The following MAGI3 variants were observed in gnomAD, a reference collection of about 807,000 sequenced individuals.
MAGI3 encodes the protein membrane associated guanylate kinase, WW and PDZ domain containing 3.
In MAGI3, 43 loss-of-function variants were observed where a neutral mutation model predicts 121.8. The ratio of observed to expected loss-of-function variants is 0.35; its 90% CI spans 0.28 to 0.46. The LOEUF (loss-of-function observed/expected upper bound fraction) is 0.46, where lower values mean the gene tolerates loss of function less well. Among genes scored for constraint, MAGI3 ranks in the 20% least tolerant of loss-of-function variants. The pLI, the probability that MAGI3 is intolerant of heterozygous loss-of-function variation, is 1.00. For synonymous variants in MAGI3, 553 were observed against 639.3 expected (o/e 0.86, Z 2.04); for missense variants, 1,547 against 1,797.3 (o/e 0.86, Z 2.52).
At chr1:113,455,917 A>G (rs1261077180) in intron 1 of MAGI3, among the ~76,000 whole-genome samples, 2 of 151,726 alleles carry the variant, frequency 1.3e-5, no homozygotes, top group African/African-American at 2.4e-5. Flanking sequence ...AAGGACTTGC[A>G]TAGTCAAATA....
intron 1 of MAGI3, among the ~76,000 whole-genome samples, chr1:113,477,076 T>C (rs1655864477): frequency 6.6e-6 from 1 of 152,156 alleles, no homozygotes; most frequent in Non-Finnish European, 1.5e-5. Flanking sequence ...TTCCATTTGC[T>C]TGATAGATCT....
chr1:113,594,463 A>T lies in MAGI3; in HGVS notation c.939-18A>T. On this transcript the variant is annotated intron_variant, in intron 5 of 20. Coordinates refer to ENST00000307546, the MANE Select transcript of MAGI3 (RefSeq NM_001142782.2). Reference sequence around the variant, plus strand: ...CTCCTTTATTTTACTGTTTCTAATTAAAATCTTTATTCTACAGCCACAATA... The same window carrying T: ...CTCCTTTATTTTACTGTTTCTAATTTAAATCTTTATTCTACAGCCACAATA... The T allele has an allele frequency of 1.9e-6, 3 of 1,586,642 alleles. No homozygotes were observed. The highest frequency in any genetic ancestry group is 2.6e-6 in the Non-Finnish European group (3 of 1,166,842).
intron 6 of MAGI3, among the ~76,000 whole-genome samples, chr1:113,610,680 C>A (rs913627740): frequency 1.3e-5 from 2 of 152,102 alleles, no homozygotes; most frequent in Non-Finnish European, 2.9e-5. Context: ...CAAGTTCTAT[C>A]AATTCTAACT....
At chr1:113,671,906 C>G (rs758787742) in intron 17 of MAGI3, 70 bp downstream of exon 17, 88 of 1,329,714 alleles carry the variant, frequency 6.6e-5, no homozygotes, top group Non-Finnish European at 9.1e-5. Context: ...CTGTTCATAA[C>G]CCCACTCCCC....
intron 1 of MAGI3, among the ~76,000 whole-genome samples, chr1:113,477,240 T>C (rs1354030788): frequency 3.3e-5 from 5 of 152,190 alleles, no homozygotes; most frequent in African/African-American, 1.2e-4. Flanking sequence ...AAGGTTAATA[T>C]TGTTATGTGT....
In MAGI3 at chr1:113,562,271, C is replaced by T. The variant is rs571351745; in HGVS notation, c.433+12640C>T. Among the ~76,000 whole-genome samples the T allele has an allele frequency of 2.6e-5, 4 of 152,230 alleles. No homozygotes were observed. In the East Asian group the frequency reaches 5.8e-4, roughly 22 times the overall value. ...CAAAAAAATTAGCCAGGCATGGTGG[C>T]GGGCGCCAATAGTCCCAGCTACTGA... On this transcript the variant is annotated intron_variant, in intron 2 of 20. Coordinates refer to ENST00000307546, the MANE Select transcript of MAGI3 (RefSeq NM_001142782.2).
At chr1:113,560,958 A>C (rs941000177) in intron 2 of MAGI3, among the ~76,000 whole-genome samples, 4 of 152,238 alleles carry the variant, frequency 2.6e-5, no homozygotes, top group African/African-American at 9.6e-5. Flanking sequence ...ACAGAAATAC[A>C]AACAACCATC....
intron 1 of MAGI3, among the ~76,000 whole-genome samples, chr1:113,454,080 A>G (rs942152865): frequency 1.3e-5 from 2 of 152,368 alleles, no homozygotes; most frequent in East Asian, 3.9e-4. Context: ...CTGATCTTCT[A>G]TTAGGTTAAC....
intron 15 of MAGI3, among the ~76,000 whole-genome samples, chr1:113,657,231 C>A (rs1322701212): frequency 6.6e-6 from 1 of 152,168 alleles, no homozygotes; most frequent in Non-Finnish European, 1.5e-5. Context: ...GAAGGCTTTT[C>A]CCTAGCTATG....
intron 20 of MAGI3, 59 bp downstream of exon 20, chr1:113,681,395 A>G (rs1487418663): frequency 6.5e-7 from 1 of 1,546,168 alleles, no homozygotes; most frequent in Non-Finnish European, 8.8e-7. Context: ...GGACAGAAGA[A>G]AAAGGAATAT....
At chr1:113,663,235 A>AATATATATATATATATATATAT (rs3081634) in intron 16 of MAGI3, among the ~76,000 whole-genome samples, 2 of 144,036 alleles carry the variant, frequency 1.4e-5, no homozygotes, top group African/African-American at 5.1e-5. Context: ...CAAAAACAGA[A>AATATATATATATATATATATAT]ATATATATAT....
At chr1:113,435,112 C>T (rs115561493) in intron 1 of MAGI3, among the ~76,000 whole-genome samples, 3,548 of 151,902 alleles carry the variant, frequency 0.023, 130 homozygotes, top group African/African-American at 0.081. Context: ...CACTTTTGTC[C>T]CCCGTTAGCA....
Position 113,512,699 on chromosome 1 carries a change from C to G in MAGI3, c.317-36816C>G, listed in dbSNP as rs1028269857. Reference sequence around the variant, plus strand: ...GAATGGGCAAAAACTGGAAGCATTCCCTTTGAAAACTGGCACAAGACAGGG... The same window carrying G: ...GAATGGGCAAAAACTGGAAGCATTCGCTTTGAAAACTGGCACAAGACAGGG... On this transcript the variant is annotated intron_variant, in intron 1 of 20. Transcript: ENST00000307546. Among the ~76,000 whole-genome samples, 2 of 152,094 alleles carry G rather than the reference C, an allele frequency of 1.3e-5. 1 individual carries two copies. Among genetic ancestry groups the G allele is most frequent in the Admixed American group, 1.3e-4 (2 of 15,274 alleles).
chr1:113,544,049 T>TC (rs1659415215), intron 1 of MAGI3, among the ~76,000 whole-genome samples: 1 of 152,234 alleles, frequency 6.6e-6, no homozygotes, highest in African/African-American at 2.4e-5. Flanking sequence ...ATAGAATGAA[T>TC]ATGTTTTACT....
At chr1:113,568,303 T>C (rs1476933974) in intron 2 of MAGI3, among the ~76,000 whole-genome samples, 1 of 152,092 alleles carries the variant, frequency 6.6e-6, no homozygotes, top group Non-Finnish European at 1.5e-5. Context: ...AATTAACCTC[T>C]AATGAAACGT....
In MAGI3 at chr1:113,391,308, G is replaced by A. The variant is rs1193797245; in HGVS notation, c.275G>A (p.Arg92His). 3 of 1,597,008 alleles carry A rather than the reference G, an allele frequency of 1.9e-6. No homozygotes were observed. Among genetic ancestry groups the A allele is most frequent in the Non-Finnish European group, 2.6e-6 (3 of 1,172,820 alleles). ...AACCGGGACACCCTGGCTGTCATCC[G>A]CCACTTCCGCGAGCCCATCCGTCTC... is the stretch of plus-strand genomic sequence containing the variant. Reference protein sequence around the residue: ...LTNRDTLAVIRHFREPIRLKT... With the variant: ...LTNRDTLAVIHHFREPIRLKT... The change falls in exon 1 of 21, where the codon CGC becomes CAC. Residue 92 changes from arginine (R) to histidine (H), a missense_variant. Transcript: ENST00000307546. The surrounding 1 kb of genome is among the most constrained non-coding windows in gnomAD (Gnocchi z 4.4).
chr1:113,483,376 A>G (rs1279179018), intron 1 of MAGI3, among the ~76,000 whole-genome samples: 1 of 152,102 alleles, frequency 6.6e-6, no homozygotes, highest in Non-Finnish European at 1.5e-5. Flanking sequence ...TAATCAGGTA[A>G]TGAGGGTAAA....
At chr1:113,612,231 C>T (rs1417715879) in intron 6 of MAGI3, among the ~76,000 whole-genome samples, 1 of 152,190 alleles carries the variant, frequency 6.6e-6, no homozygotes, top group African/African-American at 2.4e-5. Flanking sequence ...CGTGAGCCAA[C>T]TTATCTTTAA....
At chr1:113,530,323 GAA>G (rs35215967) in intron 1 of MAGI3, among the ~76,000 whole-genome samples, 3 of 132,930 alleles carry the variant, frequency 2.3e-5, no homozygotes, top group Non-Finnish European at 1.6e-5. Context: ...TACCAGAAAG[GAA>G]AAAAAAAAAA....
Sources: gnomAD v4.1 joint callset for allele counts (sites outside exome capture counted in the v4.1 genomes callset) on GRCh38, gnomAD v4.1.1 for gene constraint, Gnocchi (gnomAD v3.1) non-coding constraint, MANE v1.5 for transcripts, NCBI Gene and HGNC (gene_info 2026-07-23, HGNC 2026-07-21) for gene names.